GABBR2: variants seen among roughly 807,000 people sequenced by gnomAD.
GABBR2 encodes gamma-aminobutyric acid type B receptor subunit 2.
A neutral mutation model predicts 105.6 loss-of-function variants in GABBR2; 23 were observed. The ratio of observed to expected loss-of-function variants is 0.22; its 90% CI spans 0.16 to 0.31. The LOEUF is 0.31. Ranked by LOEUF, GABBR2 falls within the 10% of genes least tolerant of loss-of-function variation. GABBR2 has a pLI of 1.00. For synonymous variants in GABBR2, 478 were observed against 499.7 expected, an observed-to-expected ratio of 0.96 and a Z score of 0.58; for missense variants, 734 against 1,245.5, an observed-to-expected ratio of 0.59 and a Z score of 6.18.
At chr9:98,670,045 T>A (rs13283029) in intron 1 of GABBR2, among the ~76,000 whole-genome samples, 8 of 151,982 alleles carry the variant, frequency 5.3e-5, no homozygotes, top group Non-Finnish European at 7.3e-5. Context: ...CCAGCTGAGA[T>A]GGGACTAGGG....
chr9:98,460,667 A>C (rs1027024385), intron 6 of GABBR2, among the ~76,000 whole-genome samples: 1 of 152,168 alleles, frequency 6.6e-6, no homozygotes, highest in Non-Finnish European at 1.5e-5. Flanking sequence ...AATATGTTGA[A>C]AAAGTATAAT....
At chr9:98,647,213 C>T (rs1048206298) in intron 1 of GABBR2, among the ~76,000 whole-genome samples, 1 of 152,226 alleles carries the variant, frequency 6.6e-6, no homozygotes, top group Non-Finnish European at 1.5e-5. Flanking sequence ...CTTTGAAGGA[C>T]TGAGTTGCCC....
intron 13 of GABBR2, among the ~76,000 whole-genome samples, chr9:98,342,049 T>A (rs1831222517): frequency 6.6e-6 from 1 of 151,340 alleles, no homozygotes; most frequent in South Asian, 2.1e-4. Flanking sequence ...TTTGAGGAGG[T>A]CACAGACAAG....
At chr9:98,356,447 T>C (rs1187873187) in intron 13 of GABBR2, among the ~76,000 whole-genome samples, 1 of 152,138 alleles carries the variant, frequency 6.6e-6, no homozygotes, top group African/African-American at 2.4e-5. Flanking sequence ...GAATTGCAAA[T>C]TATAACAATG....
chr9:98,487,548 G>A (rs1295969750), intron 4 of GABBR2, among the ~76,000 whole-genome samples: 1 of 152,120 alleles, frequency 6.6e-6, no homozygotes, highest in Non-Finnish European at 1.5e-5. Flanking sequence ...GCCAAGGCAG[G>A]AGAATCACTT....
At position 98,600,233 on chromosome 9, in the gene GABBR2, G is replaced by A. The variant is rs151109188; in HGVS notation, c.322-22161C>T. ...AACCAGAGGCCCAAATCACAGCTAA[G>A]ATGACAGGCATCAGGGCTGCAAAGA... On this transcript the variant is annotated intron_variant, in intron 1 of 18. Coordinates refer to ENST00000259455, the MANE Select transcript of GABBR2 (RefSeq NM_005458.8). Among the ~76,000 whole-genome samples, 163 of 152,284 alleles carry A rather than the reference G, an allele frequency of 1.1e-3. 1 individual carries two copies. The Middle Eastern group carries it at 0.014, about 13-fold the overall frequency.
chr9:98,426,599 C>T (rs1406755248), intron 7 of GABBR2, among the ~76,000 whole-genome samples: 1 of 152,192 alleles, frequency 6.6e-6, no homozygotes, highest in Admixed American at 6.5e-5. Flanking sequence ...GGCTCAACTC[C>T]CCAACTAGAA....
chr9:98,323,789 T>C (rs1018026553), intron 13 of GABBR2, among the ~76,000 whole-genome samples: 1 of 152,184 alleles, frequency 6.6e-6, no homozygotes, highest in African/African-American at 2.4e-5. Flanking sequence ...GTGCACAACC[T>C]GGTTGGCTGT....
intron 13 of GABBR2, among the ~76,000 whole-genome samples, chr9:98,314,730 T>G (rs1229530521): frequency 6.6e-6 from 1 of 152,136 alleles, no homozygotes; most frequent in Non-Finnish European, 1.5e-5. Flanking sequence ...TCTCTTTGAG[T>G]CTGCACACCT....
At chr9:98,685,138 A>T (rs1830604361) in intron 1 of GABBR2, among the ~76,000 whole-genome samples, 1 of 152,208 alleles carries the variant, frequency 6.6e-6, no homozygotes, top group South Asian at 2.1e-4. Flanking sequence ...AAATGGAAGG[A>T]CTAGACTGGC....
chr9:98,544,034 CTCCT>C (rs1278928312), intron 2 of GABBR2, among the ~76,000 whole-genome samples: 1 of 152,018 alleles, frequency 6.6e-6, no homozygotes, highest in African/African-American at 2.4e-5. Flanking sequence ...CCCTCCCTCC[CTCCT>C]TCTCTTCTTT....
intron 7 of GABBR2, among the ~76,000 whole-genome samples, chr9:98,415,167 C>T (rs1031387667): frequency 2.0e-5 from 3 of 152,128 alleles, no homozygotes; most frequent in Non-Finnish European, 4.4e-5. Context: ...AACGTTAACA[C>T]TGGTTGGTCC....
intron 7 of GABBR2, among the ~76,000 whole-genome samples, chr9:98,410,017 T>C (rs371463054): frequency 8.5e-4 from 129 of 152,206 alleles, no homozygotes; most frequent in African/African-American, 3.1e-3. Flanking sequence ...TGGGAACAGA[T>C]GGGGCAATGC....
At chr9:98,640,363 C>T (rs1203384285) in intron 1 of GABBR2, among the ~76,000 whole-genome samples, 1 of 152,150 alleles carries the variant, frequency 6.6e-6, no homozygotes, top group African/African-American at 2.4e-5. Flanking sequence ...ACTCTGCTCT[C>T]TACACTCAGC....
intron 11 of GABBR2, among the ~76,000 whole-genome samples, chr9:98,376,891 T>C (rs573585353): frequency 3.3e-5 from 5 of 149,570 alleles, no homozygotes; most frequent in African/African-American, 1.2e-4. Flanking sequence ...CAGAGAGAGG[T>C]TTCTCCTCTG....
chr9:98,550,941 A>G (rs1828476285), intron 2 of GABBR2, among the ~76,000 whole-genome samples: 1 of 146,564 alleles, frequency 6.8e-6, no homozygotes, highest in Non-Finnish European at 1.5e-5. Flanking sequence ...CTCATCCTAC[A>G]CTCACTCAAA....
At chr9:98,582,038 T>A in intron 1 of GABBR2, among the ~76,000 whole-genome samples, 1 of 152,238 alleles carries the variant, frequency 6.6e-6, no homozygotes, top group East Asian at 1.9e-4. Context: ...TGACTGAATT[T>A]TCACCAGAGT....
At position 98,454,019 on chromosome 9, in the gene GABBR2, G is replaced by C. The variant is rs1826280802; in HGVS notation, c.1198C>G (p.Leu400Val). 1 of 1,614,046 alleles carries C rather than the reference G, an allele frequency of 6.2e-7. No individual in the cohort carries two copies. Among genetic ancestry groups the C allele is most frequent in the African/African-American group, 1.3e-5 (1 of 74,954 alleles). The part of the protein sequence containing the change: ...YTDHTLGRII[L>V]NAMNETNFFG... ...AAGTTGGTCTCGTTCATGGCATTGAGGATGATCCTGCCCAGCGTGTGGTCC... is the reference window on the plus strand; with the variant it reads ...AAGTTGGTCTCGTTCATGGCATTGACGATGATCCTGCCCAGCGTGTGGTCC... The change falls in exon 7 of 19, where the codon CTC (leucine) becomes GTC (valine). Residue 400 changes from leucine to valine, a missense_variant. Around this residue, in one of 7 missense-constraint regions of GABBR2, gnomAD observed 370 missense variants for 648.9 expected, o/e 0.57. Coordinates refer to ENST00000259455, the MANE Select transcript of GABBR2 (RefSeq NM_005458.8). This position sits in a 1 kb window ranked among gnomAD's most constrained non-coding sequence, Gnocchi z 4.6.
At position 98,289,485 on chromosome 9, in the gene GABBR2, C is replaced by T. The variant is rs1564002848; in HGVS notation, c.*1099G>A. 6.6e-6 allele frequency: 1 copy of T among 152,508 alleles called. No homozygotes were observed. 9.4% of individuals were successfully genotyped at this position (152,508 alleles called of 1,614,324 possible). ...TGCTGACTGATCACCCCAGTGATCCCAAGGGGAGAGCTCACTGGCTTGTCT... is the reference window on the plus strand; with the variant it reads ...TGCTGACTGATCACCCCAGTGATCCTAAGGGGAGAGCTCACTGGCTTGTCT... On this transcript the variant is annotated 3_prime_UTR_variant, in exon 19 of 19. Transcript: ENST00000259455.
Sources: allele counts gnomAD v4.1 joint callset (sites outside exome capture counted in the v4.1 genomes callset), GRCh38; gene constraint gnomAD v4.1.1; regional missense constraint gnomAD v4.1.1; non-coding constraint Gnocchi (gnomAD v3.1); transcripts MANE v1.5; gene names NCBI Gene and HGNC (gene_info 2026-07-23, HGNC 2026-07-21).